DCAF10: variants seen among roughly 807,000 people sequenced by gnomAD.
DCAF10 encodes DDB1 and CUL4 associated factor 10.
In DCAF10, 19 loss-of-function variants were observed where a neutral mutation model predicts 51.9. The observed-to-expected ratio is 0.37, with a 90% confidence interval of 0.26 to 0.54. The LOEUF (loss-of-function observed/expected upper bound fraction) is 0.54. Ranked by LOEUF, DCAF10 falls within the 20% of genes least tolerant of loss-of-function variation. The probability of loss-of-function intolerance (pLI) is 0.87; values close to 1 mark genes in which losing one functional copy is unlikely to be tolerated. For synonymous variants in DCAF10, 291 were observed against 297.1 expected (o/e 0.98, Z 0.21); for missense variants, 510 against 730.6 (o/e 0.70, Z 3.48).
At chr9:37,836,899 C>G (rs577164281) in intron 2 of DCAF10, among the ~76,000 whole-genome samples, 1 of 152,122 alleles carries the variant, frequency 6.6e-6, no homozygotes, top group East Asian at 1.9e-4. Context: ...CCAATTTTAT[C>G]TCATTTAAGC....
intron 1 of DCAF10, among the ~76,000 whole-genome samples, chr9:37,816,414 C>T (rs759426417): frequency 5.3e-5 from 8 of 152,112 alleles, no homozygotes; most frequent in Non-Finnish European, 8.8e-5. Context: ...CATGGTGAAA[C>T]CCCGTTTCTA....
At chr9:37,823,959 C>CA (rs1829781072) in intron 2 of DCAF10, among the ~76,000 whole-genome samples, 1 of 149,182 alleles carries the variant, frequency 6.7e-6, no homozygotes, top group South Asian at 2.1e-4. Flanking sequence ...CAGCTCACTG[C>CA]AACCTCTATC....
In DCAF10 at chr9:37,832,587, G is replaced by A. The variant is rs1424635876; in HGVS notation, c.654-9502G>A. Among the ~76,000 whole-genome samples, 6 of 152,174 alleles carry A rather than the reference G, an allele frequency of 3.9e-5. No homozygotes were observed. In the South Asian group the frequency reaches 1.2e-3, roughly 31 times the overall value. On this transcript the variant is annotated intron_variant, in intron 2 of 6. Transcript: ENST00000377724. ...ATAATGCAAATGTAGTGCTGTGTCA[G>A]TGGGAACACGAAATTTCTTATCTTA...
chr9:37,823,908 T>A (rs1829779092), intron 2 of DCAF10, among the ~76,000 whole-genome samples: 1 of 142,690 alleles, frequency 7.0e-6, no homozygotes. Context: ...TGAGACAGAG[T>A]CTCACTATGT....
chr9:37,828,099 G>T (rs1366836685), intron 2 of DCAF10, among the ~76,000 whole-genome samples: 4 of 152,022 alleles, frequency 2.6e-5, no homozygotes, highest in Admixed American at 6.6e-5. Context: ...TGTTGCCCAG[G>T]CTGGTCTGAC....
rs952048698 is a variant in DCAF10 at position 37,862,426 on chromosome 9, C to G, written c.*918C>G. 6.6e-6 allele frequency: 1 copy of G among 152,150 alleles called. No homozygotes were observed. The highest frequency in any genetic ancestry group is 2.4e-5 in the African/African-American group (1 of 41,416). The allele number at this position is 152,150 out of a possible 1,614,324, so 9.4% of individuals were successfully genotyped here. A position where few individuals can be genotyped will look rare whatever the true frequency, so the allele number is the denominator to read the frequency against. On this transcript the variant is annotated 3_prime_UTR_variant, in exon 7 of 7. Coordinates refer to ENST00000377724, the MANE Select transcript of DCAF10 (RefSeq NM_024345.5). ...ATTTCATCTGCCAGATTATTTGAAT[C>G]ACACAGGATGATGTGTTAACAGTAT...
intron 5 of DCAF10, among the ~76,000 whole-genome samples, chr9:37,858,242 C>T (rs1830909979): frequency 6.6e-6 from 1 of 152,164 alleles, no homozygotes; most frequent in Admixed American, 6.5e-5. Context: ...CCACTTGCCT[C>T]TGGATATTGA....
In DCAF10 at chr9:37,867,107, C is replaced by T. The variant is rs1831152226; in HGVS notation, c.*5599C>T. The T allele has an allele frequency of 6.6e-6, 1 of 152,056 alleles. No individual in the cohort carries two copies. The highest frequency in any genetic ancestry group is 6.6e-5 in the Admixed American group (1 of 15,262). 9.4% of individuals were successfully genotyped at this position (152,056 alleles called of 1,614,324 possible). ...CCCATTCAAATGATAATGGAAATTACTGTCAAAAGGAAAATCTCAAAGTTA... is the reference window on the plus strand; with the variant it reads ...CCCATTCAAATGATAATGGAAATTATTGTCAAAAGGAAAATCTCAAAGTTA... On this transcript the variant is annotated 3_prime_UTR_variant, in exon 7 of 7. Coordinates refer to ENST00000377724, the MANE Select transcript of DCAF10 (RefSeq NM_024345.5).
At chr9:37,848,843 G>C (rs1272264119) in intron 3 of DCAF10, among the ~76,000 whole-genome samples, 1 of 151,580 alleles carries the variant, frequency 6.6e-6, no homozygotes, top group Non-Finnish European at 1.5e-5. Context: ...CGTGGTGGTG[G>C]GCACCTGTAA....
intron 1 of DCAF10, among the ~76,000 whole-genome samples, chr9:37,816,659 G>GGGGGGGTGTGTGTGTGTGTGTGT (rs372664140): frequency 2.8e-4 from 41 of 144,980 alleles, no homozygotes; most frequent in Non-Finnish European, 4.9e-4. Context: ...CTGCACCTGG[G>GGGGGGGTGTGTGTGTGTGTGTGT]GTGTGTGTGT....
chr9:37,836,426 A>G, intron 2 of DCAF10: 1 of 1,545,130 alleles, frequency 6.5e-7, no homozygotes, highest in Non-Finnish European at 8.9e-7. Flanking sequence ...TTTTTGCCTG[A>G]ATTTGAAATG....
intron 2 of DCAF10, among the ~76,000 whole-genome samples, chr9:37,835,201 G>T (rs796673775): frequency 2.0e-5 from 3 of 152,112 alleles, no homozygotes; most frequent in African/African-American, 7.2e-5. Flanking sequence ...TTGGGAGGTC[G>T]AAGTGGGCAG....
chr9:37,852,948 ATATATATATATATATATAAATT>A (rs981381494), intron 3 of DCAF10, among the ~76,000 whole-genome samples: 29 of 30,892 alleles, frequency 9.4e-4, no homozygotes, highest in Non-Finnish European at 1.9e-3. Flanking sequence ...ATATATATAT[ATATATATATATATATATAAATT>A]AGCTTGATTT....
chr9:37,855,031 C>A, intron 4 of DCAF10, 49 bp downstream of exon 4: 1 of 1,507,178 alleles, frequency 6.6e-7, no homozygotes, highest in Non-Finnish European at 9.0e-7. Context: ...GAATCTCAAA[C>A]ATAGAGATGG....
intron 2 of DCAF10, among the ~76,000 whole-genome samples, chr9:37,830,721 AG>A (rs1829981597): frequency 6.6e-6 from 1 of 152,238 alleles, no homozygotes; most frequent in Non-Finnish European, 1.5e-5. Flanking sequence ...TTTCTTAGAA[AG>A]ATAAGACTTG....
At chr9:37,804,937 T>G (rs2119012512) in intron 1 of DCAF10, among the ~76,000 whole-genome samples, 1 of 152,306 alleles carries the variant, frequency 6.6e-6, no homozygotes, top group African/African-American at 2.4e-5. Flanking sequence ...CATAGGTTCT[T>G]TGTCCTTGCC....
At position 37,861,148 on chromosome 9, in the gene DCAF10, T is replaced by C. The variant is rs1442803755; in HGVS notation, c.1320T>C (p.Cys440=). 6.2e-7 allele frequency: 1 copy of C among 1,600,878 alleles called. No individual in the cohort carries two copies. Among genetic ancestry groups the C allele is most frequent in the African/African-American group, 1.3e-5 (1 of 74,672 alleles). The change falls in exon 7 of 7, where the codon TGT becomes TGC. Residue 440 remains cysteine, a synonymous_variant. Transcript: ENST00000377724. The surrounding 1 kb of genome is among the most constrained non-coding windows in gnomAD (Gnocchi z 4.9). ...CCCTTCTCTCCCCCTAGTGTACTTG[T>C]GTCTATGAATTCCAAGAAGGAGCTC... ...SSNSDDEECT[C]VYEFQEGAPV...
intron 2 of DCAF10, among the ~76,000 whole-genome samples, chr9:37,835,535 G>A (rs973175933): frequency 4.6e-5 from 7 of 151,792 alleles, no homozygotes; most frequent in Non-Finnish European, 1.0e-4. Context: ...CCGAGATCGC[G>A]CCACTGCACT....
At chr9:37,857,010 G>T (rs905698025) in intron 4 of DCAF10, among the ~76,000 whole-genome samples, 1 of 152,028 alleles carries the variant, frequency 6.6e-6, no homozygotes, top group Non-Finnish European at 1.5e-5. Flanking sequence ...TGATTATTTG[G>T]TTTTTCATTT....
Sources: gnomAD v4.1 joint callset for allele counts (sites outside exome capture counted in the v4.1 genomes callset) on GRCh38, gnomAD v4.1.1 for gene constraint, Gnocchi (gnomAD v3.1) non-coding constraint, MANE v1.5 for transcripts, NCBI Gene and HGNC (gene_info 2026-07-23, HGNC 2026-07-21) for gene names.